Variants in IQSEC1 observed in about 807,000 individuals in gnomAD.
IQSEC1 encodes IQ motif and Sec7 domain ArfGEF 1.
Under a neutral mutation model 91.0 loss-of-function variants are expected in IQSEC1, and 31 were observed. The observed-to-expected ratio is 0.34, with a 90% CI of 0.26 to 0.46. The LOEUF (loss-of-function observed/expected upper bound fraction) is 0.46, where lower values mean the gene tolerates loss of function less well. IQSEC1 is among the 20% of genes least tolerant of loss of function. The pLI is 1.00. For missense variants in IQSEC1, 1,388 were observed against 1,575.6 expected (o/e 0.88, Z 2.02); for synonymous variants, 699 against 662.6 (o/e 1.05, Z -0.84).
intron 2 of IQSEC1, among the ~76,000 whole-genome samples, chr3:13,123,487 G>A (rs1486051491): frequency 6.6e-6 from 1 of 152,218 alleles, no homozygotes; most frequent in East Asian, 1.9e-4. Context: ...ATGTGTATGT[G>A]GAGGGCCTCC....
At chr3:12,950,504 A>G (rs1423871974) in intron 1 of IQSEC1, among the ~76,000 whole-genome samples, 1 of 152,114 alleles carries the variant, frequency 6.6e-6, no homozygotes, top group East Asian at 1.9e-4. Flanking sequence ...CTGTCTCCAC[A>G]AAACATTTTT....
At chr3:13,170,224 A>C (rs1447003542) in intron 1 of IQSEC1, among the ~76,000 whole-genome samples, 3 of 152,244 alleles carry the variant, frequency 2.0e-5, no homozygotes, top group Non-Finnish European at 4.4e-5. Context: ...GCAAGCCCCA[A>C]GCTGTGGCAG....
intron 2 of IQSEC1, among the ~76,000 whole-genome samples, chr3:13,147,308 G>T (rs967800381): frequency 1.3e-5 from 2 of 151,270 alleles, no homozygotes; most frequent in Admixed American, 1.3e-4. Context: ...TTTTTTCCCA[G>T]CCCCCCTCCC....
rs1028656196 is a variant in IQSEC1, at chr3:12,899,873, C to T, written c.*1110G>A. ...TGGGGAGACGAGGATGAGAGCTGGT[C>T]ACTTTCATGTTGGAGATGAACACTT... On this transcript the variant is annotated 3_prime_UTR_variant, in exon 14 of 14. Transcript: ENST00000613206. 1 of 985,014 alleles carries T rather than the reference C, an allele frequency of 1.0e-6. No homozygotes were observed. Among genetic ancestry groups the T allele is most frequent in the Admixed American group, 6.2e-5 (1 of 16,240 alleles). The allele number at this position is 985,014 out of a possible 1,614,324, so 61.0% of individuals were successfully genotyped here.
chr3:13,112,579 G>A (rs1219215928), intron 2 of IQSEC1, among the ~76,000 whole-genome samples: 1 of 149,336 alleles, frequency 6.7e-6, no homozygotes, highest in East Asian at 2.0e-4. Flanking sequence ...GGAGGGCACT[G>A]CGTGCTGGCC....
At chr3:13,082,622 C>T (rs993312351) in intron 2 of IQSEC1, among the ~76,000 whole-genome samples, 2 of 152,202 alleles carry the variant, frequency 1.3e-5, no homozygotes, top group African/African-American at 4.8e-5. Flanking sequence ...AGTTTGGCTG[C>T]CATGCTGGGC....
intron 1 of IQSEC1, among the ~76,000 whole-genome samples, chr3:13,254,828 G>A (rs1311520688): frequency 6.6e-6 from 1 of 152,208 alleles, no homozygotes; most frequent in Non-Finnish European, 1.5e-5. Context: ...CATTAGAGAT[G>A]AGGAAACCGA....
chr3:13,203,483 G>C lies in IQSEC1; in HGVS notation c.273-39350C>G, dbSNP rs567295362. Among the ~76,000 whole-genome samples the C allele has an allele frequency of 3.9e-5, 6 of 152,302 alleles. No individual in the cohort carries two copies. The South Asian group carries it at 1.2e-3, about 32-fold the overall frequency. On this transcript the variant is annotated intron_variant, in intron 1 of 15. Coordinates refer to the IQSEC1 transcript ENST00000648114. ...GTAGTGGGCACCCCCAGATTCCAGAGACTCCCAAGCCTGTCCTGGTGATGC... is the reference window on the plus strand; with the variant it reads ...GTAGTGGGCACCCCCAGATTCCAGACACTCCCAAGCCTGTCCTGGTGATGC...
chr3:13,256,118 C>T (rs982373656), intron 1 of IQSEC1, among the ~76,000 whole-genome samples: 4 of 152,058 alleles, frequency 2.6e-5, no homozygotes, highest in Non-Finnish European at 5.9e-5. Flanking sequence ...AAAATTAATA[C>T]GGGACTATTG....
intron 2 of IQSEC1, among the ~76,000 whole-genome samples, chr3:13,160,491 A>G (rs999697059): frequency 1.3e-5 from 2 of 152,198 alleles, no homozygotes; most frequent in African/African-American, 2.4e-5. Flanking sequence ...AGCACAAGCC[A>G]TGAGCTCTCA....
chr3:13,273,194 C>A (rs573852766), intron 1 of IQSEC1, among the ~76,000 whole-genome samples: 5 of 152,332 alleles, frequency 3.3e-5, no homozygotes, highest in African/African-American at 9.6e-5. Context: ...ATTCAGGCTG[C>A]TGGCCTGGCC....
At chr3:13,199,518 G>A (rs923006009) in intron 1 of IQSEC1, among the ~76,000 whole-genome samples, 2 of 152,162 alleles carry the variant, frequency 1.3e-5, no homozygotes, top group Admixed American at 1.3e-4. Flanking sequence ...GCTCTGAGCA[G>A]CACCGGTGTC....
Position 13,282,967 on chromosome 3 carries a change from C to T in IQSEC1, c.16G>A (p.Glu6Lys), listed in dbSNP as rs1255574809. 6.8e-6 allele frequency among the ~76,000 whole-genome samples: 1 copy of T among 146,266 alleles called. No individual in the cohort carries two copies. Among genetic ancestry groups the T allele is most frequent in the Admixed American group, 6.8e-5 (1 of 14,772 alleles). Reference sequence around the variant, plus strand: ...TACTCGGCCGCCTGGCCGGGGGGCTCGGCGGCGCTGGCCATGGCCCCCCGC... The same window carrying T: ...TACTCGGCCGCCTGGCCGGGGGGCTTGGCGGCGCTGGCCATGGCCCCCCGC... The change falls in exon 1 of 16, where the codon GAG (glutamate) becomes AAG (lysine). Residue 6 changes from glutamate to lysine, a missense_variant. Transcript: ENST00000648114. The surrounding 1 kb of genome is among the most constrained non-coding windows in gnomAD (Gnocchi z 6.4).
At chr3:13,073,795 A>G (rs1705514724), upstream of IQSEC1, among the ~76,000 whole-genome samples, 1 of 152,238 alleles carries the variant, frequency 6.6e-6, no homozygotes, top group African/African-American at 2.4e-5. Flanking sequence ...TGTCTCTGCC[A>G]CTGAAGGGCG....
At chr3:13,071,629 G>A (rs1705430262) in intron 1 of IQSEC1, among the ~76,000 whole-genome samples, 1 of 152,192 alleles carries the variant, frequency 6.6e-6, no homozygotes, top group South Asian at 2.1e-4. Flanking sequence ...ACTTTGGTGT[G>A]CTCTGCTCGC....
chr3:13,031,084 G>T (rs1388203367), intron 1 of IQSEC1, among the ~76,000 whole-genome samples: 1 of 152,238 alleles, frequency 6.6e-6, no homozygotes, highest in Non-Finnish European at 1.5e-5. Flanking sequence ...ACAAGACAAT[G>T]TTACCGAGTT....
At chr3:13,027,866 G>A (rs912741917) in intron 1 of IQSEC1, among the ~76,000 whole-genome samples, 4 of 152,180 alleles carry the variant, frequency 2.6e-5, no homozygotes, top group African/African-American at 4.8e-5. Flanking sequence ...AGGTTTTTAC[G>A]TAACAGCTCT....
chr3:12,939,364 C>G (rs1057146749), intron 2 of IQSEC1, among the ~76,000 whole-genome samples: 1 of 152,218 alleles, frequency 6.6e-6, no homozygotes, highest in Non-Finnish European at 1.5e-5. Flanking sequence ...GACACAGGGA[C>G]AGTACCTGAA....
At chr3:13,280,314 T>TA (rs1190226491) in intron 1 of IQSEC1, among the ~76,000 whole-genome samples, 1 of 152,216 alleles carries the variant, frequency 6.6e-6, no homozygotes. Flanking sequence ...AGGTGCTTAA[T>TA]AAAAGTCCTC....
Sources: allele counts gnomAD v4.1 joint callset (sites outside exome capture counted in the v4.1 genomes callset), GRCh38; gene constraint gnomAD v4.1.1; non-coding constraint Gnocchi (gnomAD v3.1); transcripts MANE v1.5; gene names NCBI Gene and HGNC (gene_info 2026-07-23, HGNC 2026-07-21).